The following TJP1 variants were observed in gnomAD, a reference collection of about 807,000 sequenced individuals.
TJP1 encodes tight junction protein ZO-1.
A neutral mutation model predicts 194.2 loss-of-function variants in TJP1; 43 were observed. That is an observed-to-expected ratio of 0.22 (90% CI 0.17 to 0.29). The LOEUF is 0.29. Ranked by LOEUF, TJP1 falls within the 10% of genes least tolerant of loss-of-function variation. The probability of loss-of-function intolerance (pLI) is 1.00; values close to 1 mark genes in which losing one functional copy is unlikely to be tolerated. For synonymous variants in TJP1, 801 were observed against 779.0 expected, an observed-to-expected ratio of 1.03 and a Z score of -0.47; for missense variants, 1,971 against 2,185.7, an observed-to-expected ratio of 0.90 and a Z score of 1.96.
At chr15:29,755,106 A>G (rs768918910) in intron 8 of TJP1, among the ~76,000 whole-genome samples, 3 of 152,174 alleles carry the variant, frequency 2.0e-5, no homozygotes, top group Admixed American at 6.5e-5. Context: ...GTCCTTTCCT[A>G]CGTTTAAGAT....
rs560106274 is a variant in TJP1 at position 29,849,338 on chromosome 15, T to A, written c.307-48636A>T. 7.2e-5 allele frequency among the ~76,000 whole-genome samples: 11 copies of A among 151,976 alleles called. No individual in the cohort carries two copies. The South Asian group carries it at 1.2e-3, about 17-fold the overall frequency. ...GGTTTTAAAACATATATTTACAAAG[T>A]CTTAGATACTCAGCAAGTGGAGTTT... On this transcript the variant is annotated intron_variant, in intron 2 of 28. Coordinates refer to the TJP1 transcript ENST00000356107.
intron 23 of TJP1, among the ~76,000 whole-genome samples, chr15:29,713,325 A>G (rs4362339): frequency 0.74 from 111,974 of 152,072 alleles, 42,735 homozygotes; most frequent in East Asian, 0.86. Flanking sequence ...GGAAACTTCT[A>G]ATTTACTTTG....
chr15:29,706,381 C>A (rs527590435), intron 25 of TJP1, among the ~76,000 whole-genome samples: 1 of 152,250 alleles, frequency 6.6e-6, no homozygotes, highest in South Asian at 2.1e-4. Context: ...CTTGAACACC[C>A]AACTACAGGT....
intron 2 of TJP1, among the ~76,000 whole-genome samples, chr15:29,881,686 G>T (rs182782764): frequency 1.8e-4 from 28 of 152,110 alleles, no homozygotes; most frequent in Admixed American, 1.7e-3. Flanking sequence ...ACCACACATT[G>T]GATATATATT....
rs911520401 is a variant in TJP1, at chr15:29,772,147, T to C, written c.229A>G (p.Met77Val). 1.2e-5 allele frequency: 20 copies of C among 1,601,918 alleles called. No homozygotes were observed. Among genetic ancestry groups the C allele is most frequent in the Non-Finnish European group, 1.6e-5 (19 of 1,176,444 alleles). Residue 77 changes from methionine (M) to valine (V), a missense_variant, in exon 4 of 28, where the codon ATG (methionine) becomes GTG (valine). Around this residue, in one of 5 missense-constraint regions of TJP1, gnomAD observed 245 missense variants for 336.6 expected, o/e 0.73. Coordinates refer to ENST00000614355, the MANE Select transcript of TJP1 (RefSeq NM_001330239.4). ...TTATCCATTGAAACTCCGTTAACCA[T>C]TGCAACTCGGTCATTTTCCCTAAGG... ...GQLQENDRVA[M>V]VNGVSMDNVE...
intron 2 of TJP1, among the ~76,000 whole-genome samples, chr15:29,941,856 G>C (rs547710711): frequency 7.1e-4 from 108 of 152,288 alleles, no homozygotes; most frequent in African/African-American, 2.5e-3. Context: ...TGGGACAGGG[G>C]AGTCTCAGAT....
chr15:29,953,697 C>T (rs1327418186), intron 2 of TJP1, among the ~76,000 whole-genome samples: 1 of 151,982 alleles, frequency 6.6e-6, no homozygotes, highest in Non-Finnish European at 1.5e-5. Flanking sequence ...GAGTAAGATA[C>T]AGGAAATGTA....
chr15:29,780,370 T>TG (rs2047287372), intron 2 of TJP1, among the ~76,000 whole-genome samples: 3 of 151,896 alleles, frequency 2.0e-5, no homozygotes, highest in Non-Finnish European at 4.4e-5. Context: ...CTAGATCCCT[T>TG]GCATGCATGG....
At chr15:29,949,150 CTCCACT>C (rs2055404259) in intron 2 of TJP1, among the ~76,000 whole-genome samples, 1 of 149,506 alleles carries the variant, frequency 6.7e-6, no homozygotes, top group Non-Finnish European at 1.5e-5. Flanking sequence ...CCTTCACCAC[CTCCACT>C]ACTACCTCCA....
At chr15:29,775,279 G>C (rs2046943003) in intron 2 of TJP1, among the ~76,000 whole-genome samples, 1 of 150,314 alleles carries the variant, frequency 6.7e-6, no homozygotes, top group African/African-American at 2.4e-5. Context: ...AAGAAAATCT[G>C]TAGTGTTTCC....
Position 29,705,632 on chromosome 15 carries a change from C to T in TJP1, c.4964G>A (p.Ser1655Asn), listed in dbSNP as rs770484844. The change falls in exon 26 of 28, where the codon AGT becomes AAT. Residue 1655 changes from serine to asparagine, a missense_variant. Ser to Asn is a conservative substitution (Grantham distance 46). Coordinates refer to ENST00000614355, the MANE Select transcript of TJP1 (RefSeq NM_001330239.4). ...AATGGCTCCTTGAGGGATAATTATA[C>T]TAACACCAGTTTCTATGGAACTCAG... ...GVLSSIETGVSIIIPQGAIPE... is the reference protein window; with the variant it reads ...GVLSSIETGVNIIIPQGAIPE... The T allele has an allele frequency of 6.2e-7, 1 of 1,614,186 alleles. No individual in the cohort carries two copies. The highest frequency in any genetic ancestry group is 8.5e-7 in the Non-Finnish European group (1 of 1,180,042).
At chr15:29,880,791 G>A (rs566362565) in intron 2 of TJP1, among the ~76,000 whole-genome samples, 3 of 152,186 alleles carry the variant, frequency 2.0e-5, no homozygotes, top group African/African-American at 4.8e-5. Flanking sequence ...TTTTTAAGCC[G>A]AACAATATTC....
intron 6 of TJP1, 50 bp downstream of exon 6, chr15:29,762,285 A>G: frequency 6.7e-7 from 1 of 1,482,280 alleles, no homozygotes. Context: ...TGGTAACTCT[A>G]GAACTTGTTT....
chr15:29,799,039 T>C (rs2048603655), intron 2 of TJP1, among the ~76,000 whole-genome samples: 1 of 152,232 alleles, frequency 6.6e-6, no homozygotes. Flanking sequence ...AGAAAGTTTT[T>C]GTATTGAAGT....
chr15:29,746,194 G>A (rs45553932), intron 8 of TJP1, among the ~76,000 whole-genome samples: 6,740 of 152,162 alleles, frequency 0.044, 169 homozygotes, highest in South Asian at 0.075. Flanking sequence ...CTGGCTACGG[G>A]TGAAACCCTG....
intron 2 of TJP1, among the ~76,000 whole-genome samples, chr15:29,909,059 A>G (rs2053926006): frequency 6.6e-6 from 1 of 151,568 alleles, no homozygotes; most frequent in Middle Eastern, 3.4e-3. Flanking sequence ...CAGGAGGCTG[A>G]GGCAGGAGAA....
intron 1 of TJP1, chr15:29,967,978 G>A: frequency 1.2e-6 from 1 of 853,832 alleles, no homozygotes; most frequent in Non-Finnish European, 1.4e-6. Flanking sequence ...GGTGGCTCCT[G>A]GGATTCCGCA....
chr15:29,817,833 G>T (rs1286501518), intron 1 of TJP1, among the ~76,000 whole-genome samples: 1 of 152,120 alleles, frequency 6.6e-6, no homozygotes, highest in Non-Finnish European at 1.5e-5. Context: ...AGGACCTGGG[G>T]CCTGTTACCC....
At chr15:29,890,182 G>A (rs986616263) in intron 2 of TJP1, among the ~76,000 whole-genome samples, 1 of 152,054 alleles carries the variant, frequency 6.6e-6, no homozygotes, top group African/African-American at 2.4e-5. Flanking sequence ...AAAGCCCAAC[G>A]AAACTGGGAG....
Sources: gnomAD v4.1 joint callset for allele counts (sites outside exome capture counted in the v4.1 genomes callset) on GRCh38, gnomAD v4.1.1 for gene constraint, gnomAD v4.1.1 regional missense constraint, MANE v1.5 for transcripts, NCBI Gene and HGNC (gene_info 2026-07-23, HGNC 2026-07-21) for gene names.